The following ERI3 variants were observed in gnomAD, a reference collection of about 807,000 sequenced individuals.
The protein encoded by ERI3 is ERI1 exoribonuclease 3.
In ERI3, 18 loss-of-function variants were observed where a neutral mutation model predicts 44.4. The observed-to-expected ratio is 0.41, with a 90% confidence interval of 0.28 to 0.60. The LOEUF (loss-of-function observed/expected upper bound fraction) is 0.60. Among genes scored for constraint, ERI3 ranks in the 20% least tolerant of loss-of-function variants. The pLI is 0.36. For missense variants in ERI3, 294 were observed against 435.5 expected (o/e 0.68, Z 2.89); for synonymous variants, 183 against 164.8 (o/e 1.11, Z -0.84).
At chr1:44,343,287 A>G (rs1248891130) in intron 2 of ERI3, among the ~76,000 whole-genome samples, 1 of 152,154 alleles carries the variant, frequency 6.6e-6, no homozygotes, top group African/African-American at 2.4e-5. Flanking sequence ...GATGTGAGAT[A>G]TTTACATAGT....
chr1:44,238,431 C>T (rs1307423085), intron 8 of ERI3, among the ~76,000 whole-genome samples: 2 of 152,116 alleles, frequency 1.3e-5, no homozygotes, highest in Admixed American at 6.5e-5. Context: ...AGCAGTGGGA[C>T]GGGACAGGTC....
At chr1:44,270,355 C>A (rs770899105) in intron 7 of ERI3, among the ~76,000 whole-genome samples, 1 of 152,180 alleles carries the variant, frequency 6.6e-6, no homozygotes, top group Non-Finnish European at 1.5e-5. Flanking sequence ...TTAAGAGAAG[C>A]GGCTTATCTA....
In ERI3 at chr1:44,324,073, GA is replaced by G. The variant is rs535855879; in HGVS notation, c.490-4330del. 3.2e-4 allele frequency among the ~76,000 whole-genome samples: 48 copies of G among 152,336 alleles called. 1 individual carries two copies. The South Asian group carries it at 9.1e-3, about 29-fold the overall frequency. On this transcript the variant is annotated intron_variant, in intron 3 of 8. Transcript: ENST00000372257. ...TGGCTGCAGTAACACAGATGGCACA[GA>G]TGGCATCAGGGAAGGCAGGAACCAT...
At chr1:44,347,322 TAAA>T (rs1019629317) in intron 2 of ERI3, among the ~76,000 whole-genome samples, 8 of 152,198 alleles carry the variant, frequency 5.3e-5, no homozygotes, top group Non-Finnish European at 1.2e-4. Flanking sequence ...AGAGCAGAAT[TAAA>T]AGAACGGCAG....
chr1:44,247,897 A>AGTCCCTTGC, intron 8 of ERI3, 42 bp downstream of exon 8: 1 of 1,536,406 alleles, frequency 6.5e-7, no homozygotes, highest in Non-Finnish European at 8.9e-7. Flanking sequence ...CGGGCAAGGG[A>AGTCCCTTGC]CGATGGATGG....
chr1:44,312,288 T>C (rs1645988420), intron 5 of ERI3, among the ~76,000 whole-genome samples: 1 of 152,188 alleles, frequency 6.6e-6, no homozygotes, highest in Non-Finnish European at 1.5e-5. Context: ...AGGTCTGAGC[T>C]TTGGCTTTAT....
chr1:44,229,373 G>A (rs942682176), intron 8 of ERI3, among the ~76,000 whole-genome samples: 2 of 152,180 alleles, frequency 1.3e-5, no homozygotes, highest in East Asian at 3.8e-4. Context: ...ATCTTTCTGT[G>A]TTATTGCTTG....
chr1:44,267,472 C>T (rs1488068254), intron 7 of ERI3, among the ~76,000 whole-genome samples: 2 of 152,192 alleles, frequency 1.3e-5, no homozygotes, highest in African/African-American at 2.4e-5. Context: ...AACACAAACA[C>T]CCACAGTCCA....
intron 6 of ERI3, among the ~76,000 whole-genome samples, chr1:44,288,445 A>G (rs981894382): frequency 1.3e-5 from 2 of 152,152 alleles, no homozygotes; most frequent in African/African-American, 4.8e-5. Context: ...CCAGAACTTG[A>G]GCTTGCAAGT....
chr1:44,305,159 C>T (rs1018069441), intron 6 of ERI3, among the ~76,000 whole-genome samples: 1 of 152,240 alleles, frequency 6.6e-6, no homozygotes, highest in South Asian at 2.1e-4. Context: ...CTCAGACTCA[C>T]GGCCCACTGG....
intron 4 of ERI3, among the ~76,000 whole-genome samples, chr1:44,315,381 G>A (rs370533283): frequency 2.0e-5 from 3 of 152,322 alleles, no homozygotes; most frequent in African/African-American, 7.2e-5. Flanking sequence ...ATAAGCCCCT[G>A]CCCTGGGCCC....
intron 8 of ERI3, among the ~76,000 whole-genome samples, chr1:44,226,816 A>ACACAC (rs1557764563): frequency 1.5e-4 from 13 of 87,400 alleles, no homozygotes; most frequent in African/African-American, 6.4e-4. Flanking sequence ...CACACACACA[A>ACACAC]ACTATCCTAT....
intron 8 of ERI3, among the ~76,000 whole-genome samples, chr1:44,227,655 C>T (rs1644077520): frequency 6.6e-6 from 1 of 152,040 alleles, no homozygotes; most frequent in Non-Finnish European, 1.5e-5. Flanking sequence ...GTGATGGGGA[C>T]CCAACAGCTG....
intron 8 of ERI3, among the ~76,000 whole-genome samples, chr1:44,247,538 T>C (rs934320008): frequency 1.3e-5 from 2 of 152,198 alleles, no homozygotes; most frequent in African/African-American, 4.8e-5. Flanking sequence ...TAACTCCCAT[T>C]GATCGTCCAG....
chr1:44,291,829 C>T (rs1645513489), intron 6 of ERI3, among the ~76,000 whole-genome samples: 1 of 152,214 alleles, frequency 6.6e-6, no homozygotes, highest in African/African-American at 2.4e-5. Context: ...GTGACCTCGC[C>T]TACTGCAGGA....
intron 5 of ERI3, among the ~76,000 whole-genome samples, chr1:44,311,456 T>C (rs1645971542): frequency 6.6e-6 from 1 of 152,166 alleles, no homozygotes; most frequent in Non-Finnish European, 1.5e-5. Flanking sequence ...TCCGGTCTCC[T>C]ACCTGCCAGA....
chr1:44,293,787 G>A (rs1645556447), intron 6 of ERI3, among the ~76,000 whole-genome samples: 1 of 152,202 alleles, frequency 6.6e-6, no homozygotes. Flanking sequence ...AGGAAGGGCT[G>A]ATCACCTCAC....
intron 3 of ERI3, among the ~76,000 whole-genome samples, chr1:44,336,383 C>T (rs1048848673): frequency 3.3e-5 from 5 of 152,340 alleles, no homozygotes; most frequent in Admixed American, 2.0e-4. Flanking sequence ...AACCTGCCGT[C>T]CCTTTCCTGA....
chr1:44,283,991 C>A (rs747474507), intron 7 of ERI3: 2 of 470,432 alleles, frequency 4.3e-6, no homozygotes, highest in Admixed American at 2.3e-5. Context: ...ACTACCTTGA[C>A]CCCCGGTGTG....
Sources: allele counts gnomAD v4.1 joint callset (sites outside exome capture counted in the v4.1 genomes callset), GRCh38; gene constraint gnomAD v4.1.1; transcripts MANE v1.5; gene names NCBI Gene and HGNC (gene_info 2026-07-23, HGNC 2026-07-21).